The following LSM4 variants were observed in gnomAD, a reference collection of about 807,000 sequenced individuals.
LSM4 encodes the protein U6 snRNA-associated Sm-like protein LSm4.
In LSM4, 15 loss-of-function variants were observed where a neutral mutation model predicts 22.3. The ratio of observed to expected loss-of-function variants is 0.67; its 90% CI spans 0.45 to 1.03. LSM4 has a LOEUF of 1.03. Ranked by LOEUF, LSM4 falls within the 50% of genes least tolerant of loss-of-function variation. The pLI is 0.00. For missense variants in LSM4, 127 were observed against 198.0 expected (o/e 0.64, Z 2.15); for synonymous variants, 90 against 79.8 (o/e 1.13, Z -0.68).
At chr19:18,318,542 G>T (rs890740910) in intron 1 of LSM4, among the ~76,000 whole-genome samples, 2 of 152,244 alleles carry the variant, frequency 1.3e-5, no homozygotes, top group African/African-American at 4.8e-5. Context: ...CTGGCACACG[G>T]GTCTCATGCC....
At chr19:18,314,330 C>T (rs1270686433) in intron 2 of LSM4, among the ~76,000 whole-genome samples, 1 of 151,362 alleles carries the variant, frequency 6.6e-6, no homozygotes, top group Non-Finnish European at 1.5e-5. Context: ...ACCATCCTGG[C>T]TAACACAGTG....
At chr19:18,312,773 A>C (rs1447576438) in intron 2 of LSM4, 71 bp from the exon 3 acceptor site, 1 of 1,180,080 alleles carries the variant, frequency 8.5e-7, no homozygotes, top group East Asian at 2.3e-5. Context: ...CAGGAGGTGT[A>C]GCTCTGCCCT....
chr19:18,321,018 C>A (rs1394795126), intron 1 of LSM4, among the ~76,000 whole-genome samples: 3 of 152,222 alleles, frequency 2.0e-5, no homozygotes, highest in Non-Finnish European at 4.4e-5. Flanking sequence ...CCCATCCCCG[C>A]TGCTAACCTA....
chr19:18,311,676 C>T (rs1466229177), intron 3 of LSM4, among the ~76,000 whole-genome samples: 1 of 152,188 alleles, frequency 6.6e-6, no homozygotes, highest in East Asian at 1.9e-4. Context: ...CGCCCTCCGA[C>T]AGGCTATGGC....
Position 18,309,825 on chromosome 19 carries a change from T to C in LSM4, c.181A>G (p.Ile61Val). The change falls in exon 4 of 5, where the codon ATC (isoleucine) becomes GTC (valine). Residue 61 changes from isoleucine to valine, a missense_variant. Ile to Val is a conservative substitution (Grantham distance 29). Coordinates refer to ENST00000593829, the MANE Select transcript of LSM4 (RefSeq NM_012321.5). ...AGGTACTTGATGGTGCTGCCGCGGATGTAGCACTCGGGCATCCGCCAGAAC... is the reference window on the plus strand; with the variant it reads ...AGGTACTTGATGGTGCTGCCGCGGACGTAGCACTCGGGCATCCGCCAGAAC... Reference protein sequence around the residue: ...DKFWRMPECYIRGSTIKYLRI... With the variant: ...DKFWRMPECYVRGSTIKYLRI... 6.2e-7 allele frequency: 1 copy of C among 1,613,742 alleles called. No homozygotes were observed. Among genetic ancestry groups the C allele is most frequent in the Non-Finnish European group, 8.5e-7 (1 of 1,179,874 alleles).
chr19:18,317,882 T>C (rs1307060140), intron 1 of LSM4, among the ~76,000 whole-genome samples: 2 of 152,198 alleles, frequency 1.3e-5, no homozygotes, highest in Admixed American at 1.3e-4. Context: ...GTCAAATATG[T>C]AGTATTTCTA....
At chr19:18,320,966 C>A (rs553396067) in intron 1 of LSM4, among the ~76,000 whole-genome samples, 20 of 152,182 alleles carry the variant, frequency 1.3e-4, no homozygotes, top group Admixed American at 2.0e-4. Flanking sequence ...CCACGAGGAC[C>A]TAAACCCAGT....
chr19:18,322,236 TTC>T (rs748913407), intron 1 of LSM4, among the ~76,000 whole-genome samples: 17 of 152,132 alleles, frequency 1.1e-4, no homozygotes, highest in Non-Finnish European at 1.9e-4. Context: ...GGGCCTTGGT[TTC>T]TCTCATTGAA....
chr19:18,308,712 G>A (rs1284509693), intron 4 of LSM4, among the ~76,000 whole-genome samples: 2 of 152,220 alleles, frequency 1.3e-5, no homozygotes, highest in Non-Finnish European at 2.9e-5. Context: ...TCCAGATTCA[G>A]AGGATCTAAG....
Position 18,306,709 on chromosome 19 carries a change from C to CT in LSM4, c.*754dup, listed in dbSNP as rs1034489954. On this transcript the variant is annotated 3_prime_UTR_variant, in exon 5 of 5. Coordinates refer to ENST00000593829, the MANE Select transcript of LSM4 (RefSeq NM_012321.5). ...CCTGGTGTGGGGGGCGCCGGGGACT[C>CT]TCAAGAGCCCCCACTGTCCAGATGC... The CT allele has an allele frequency of 6.6e-6, 1 of 152,204 alleles. No homozygotes were observed. Among genetic ancestry groups the CT allele is most frequent in the Non-Finnish European group, 1.5e-5 (1 of 68,062 alleles). 9.4% of individuals were successfully genotyped at this position (152,204 alleles called of 1,614,324 possible).
At chr19:18,315,390 A>G (rs927161430) in intron 2 of LSM4, among the ~76,000 whole-genome samples, 2 of 152,130 alleles carry the variant, frequency 1.3e-5, no homozygotes, top group Admixed American at 6.6e-5. Context: ...GGCTGAAGCC[A>G]TCCTCTAGCC....
chr19:18,307,797 G>T (rs1841071222), intron 4 of LSM4, among the ~76,000 whole-genome samples: 1 of 120,662 alleles, frequency 8.3e-6, no homozygotes, highest in Non-Finnish European at 1.8e-5. Context: ...GGGGGGGGGG[G>T]ACTAGGCGAC....
chr19:18,311,341 A>T (rs1379559826), intron 3 of LSM4, among the ~76,000 whole-genome samples: 1 of 152,090 alleles, frequency 6.6e-6, no homozygotes, highest in Non-Finnish European at 1.5e-5. Flanking sequence ...GGACGATGTG[A>T]GTTCCCATCG....
chr19:18,312,780 C>T (rs1034109663), intron 2 of LSM4, 78 bp from the exon 3 acceptor site: 16 of 1,100,272 alleles, frequency 1.5e-5, no homozygotes, highest in Admixed American at 3.6e-5. Flanking sequence ...TGTAGCTCTG[C>T]CCTGAGATGG....
intron 4 of LSM4, chr19:18,309,354 T>C (rs545297061): frequency 5.3e-6 from 2 of 377,546 alleles, no homozygotes; most frequent in South Asian, 5.6e-5. Context: ...TGGCTCTGGA[T>C]AGAGCCACGC....
Position 18,323,034 on chromosome 19 carries a change from A to C in LSM4, c.-14T>G. 1 of 1,548,410 alleles carries C rather than the reference A, an allele frequency of 6.5e-7. No homozygotes were observed. The highest frequency in any genetic ancestry group is 8.7e-7 in the Non-Finnish European group (1 of 1,155,382). On this transcript the variant is annotated 5_prime_UTR_variant, in exon 1 of 5. Coordinates refer to ENST00000593829, the MANE Select transcript of LSM4 (RefSeq NM_012321.5). ...TGCCCTCACCATGGTGCCGGCGGGGACCGGGCTCGCCGGCCACTTCCGCCG... is the reference window on the plus strand; with the variant it reads ...TGCCCTCACCATGGTGCCGGCGGGGCCCGGGCTCGCCGGCCACTTCCGCCG...
chr19:18,320,864 G>C (rs1970418174), intron 1 of LSM4, among the ~76,000 whole-genome samples: 1 of 152,144 alleles, frequency 6.6e-6, no homozygotes, highest in Non-Finnish European at 1.5e-5. Context: ...GCCCCACCCT[G>C]GTTTATGGAA....
intron 4 of LSM4, among the ~76,000 whole-genome samples, chr19:18,308,683 G>C (rs1025148858): frequency 6.6e-6 from 1 of 152,182 alleles, no homozygotes; most frequent in African/African-American, 2.4e-5. Flanking sequence ...CCTCAACCCC[G>C]TGAAGGTGGG....
rs1194487346 is a variant in LSM4 at position 18,307,266 on chromosome 19, C to T, written c.*198G>A. 1 of 444,932 alleles carries T rather than the reference C, an allele frequency of 2.2e-6. No homozygotes were observed. Among genetic ancestry groups the T allele is most frequent in the Non-Finnish European group, 3.9e-6 (1 of 255,552 alleles). The allele number at this position is 444,932 out of a possible 1,614,324, so 27.6% of individuals were successfully genotyped here. A position where few individuals can be genotyped will look rare whatever the true frequency, so the allele number is the denominator to read the frequency against. On this transcript the variant is annotated 3_prime_UTR_variant, in exon 5 of 5. Coordinates refer to ENST00000593829, the MANE Select transcript of LSM4 (RefSeq NM_012321.5). ...ACGGCCGTTTCACAAAACCAAAAAA[C>T]ACCAAGTAACATTTCTAACCGGAGA...
Sources: gnomAD v4.1 joint callset for allele counts (sites outside exome capture counted in the v4.1 genomes callset) on GRCh38, gnomAD v4.1.1 for gene constraint, MANE v1.5 for transcripts, NCBI Gene and HGNC (gene_info 2026-07-23, HGNC 2026-07-21) for gene names.